Variants in SFXN3 observed in about 807,000 individuals in gnomAD.
The protein encoded by SFXN3 is sideroflexin-3.
A neutral mutation model predicts 40.4 loss-of-function variants in SFXN3; 31 were observed. That is an observed-to-expected ratio of 0.77 (90% CI 0.58 to 1.04). SFXN3 has a LOEUF of 1.04. Among genes scored for constraint, SFXN3 ranks in the 50% least tolerant of loss-of-function variants. The pLI, the probability that SFXN3 is intolerant of heterozygous loss-of-function variation, is 0.00. For synonymous variants in SFXN3, 157 were observed against 160.0 expected, an observed-to-expected ratio of 0.98 and a Z score of 0.14; for missense variants, 366 against 408.2, an observed-to-expected ratio of 0.90 and a Z score of 0.89.
chr10:101,032,255 G>A (rs189225683), intron 1 of SFXN3, 59 bp from the exon 2 acceptor site: 398 of 520,404 alleles, frequency 7.6e-4, no homozygotes, highest in Admixed American at 1.4e-3. Context: ...GCAGCTTAGG[G>A]CCTGGTCCAG....
At chr10:101,038,661 G>A (rs200170974) in exon 10 of SFXN3, 17 of 1,613,192 alleles carry the variant, frequency 1.1e-5, no homozygotes, top group Middle Eastern at 3.3e-4. Context: ...CTGGCTGGGG[G>A]CACCCCTGCA....
exon 9 of SFXN3, chr10:101,037,391 C>A (rs1938671492): frequency 1.2e-6 from 2 of 1,614,154 alleles, no homozygotes; most frequent in African/African-American, 1.3e-5. Context: ...GCCATCCCAC[C>A]ACTGATCATG....
intron 2 of SFXN3, among the ~76,000 whole-genome samples, chr10:101,033,325 A>G (rs991337198): frequency 6.6e-6 from 1 of 152,214 alleles, no homozygotes; most frequent in Admixed American, 6.5e-5. Context: ...TCTGTAGCAC[A>G]CGTGGCTGGG....
Position 101,036,401 on chromosome 10 carries a change from A to G in SFXN3, c.432-85A>G. ...GAGCTTCCCCTTTTATGCCTCATGT[A>G]TTGAGGACTTGGCATATCCCTAAAG... On this transcript the variant is annotated intron_variant, in intron 5 of 11. Coordinates refer to ENST00000393459, the Ensembl canonical transcript of SFXN3. This position sits in a 1 kb window ranked among gnomAD's most constrained non-coding sequence, Gnocchi z 4.2. The G allele has an allele frequency of 7.8e-7, 1 of 1,289,012 alleles. No individual in the cohort carries two copies. Among genetic ancestry groups the G allele is most frequent in the South Asian group, 1.2e-5 (1 of 82,488 alleles). 79.8% of individuals were successfully genotyped at this position (1,289,012 alleles called of 1,614,324 possible).
At chr10:101,035,923 T>C in intron 4 of SFXN3, 80 bp from the exon 5 acceptor site, 2 of 1,373,516 alleles carry the variant, frequency 1.5e-6, no homozygotes, top group Non-Finnish European at 2.1e-6. Context: ...GCTTGGGGAA[T>C]AACCTTTGGT....
At chr10:101,032,715 C>T (rs548129806) in intron 2 of SFXN3, among the ~76,000 whole-genome samples, 3 of 152,118 alleles carry the variant, frequency 2.0e-5, no homozygotes, top group Non-Finnish European at 4.4e-5. Context: ...GTTTGAAGGC[C>T]GGTGTATACA....
At chr10:101,033,687 C>A (rs1433545543) in intron 2 of SFXN3, among the ~76,000 whole-genome samples, 1 of 152,106 alleles carries the variant, frequency 6.6e-6, no homozygotes, top group East Asian at 1.9e-4. Context: ...GCACCGGCAC[C>A]GGTCTCTGAG....
chr10:101,035,721 G>A, intron 4 of SFXN3, 54 bp downstream of exon 4: 1 of 1,551,914 alleles, frequency 6.4e-7, no homozygotes, highest in Non-Finnish European at 8.7e-7. Flanking sequence ...AGCATAGCTT[G>A]ACTAGGTGCG....
chr10:101,037,142 A>T (rs756864458), exon 8 of SFXN3: 1 of 1,613,808 alleles, frequency 6.2e-7, no homozygotes, highest in Non-Finnish European at 8.5e-7. Context: ...CGGTGACTGC[A>T]GCCAAGCAGG....
At chr10:101,031,470 A>C (rs889840352) in exon 1 of SFXN3, 1 of 152,298 alleles carries the variant, frequency 6.6e-6, no homozygotes, top group South Asian at 2.1e-4. Context: ...CCGTGGAGGG[A>C]CGTCACGGGG....
Position 101,039,472 on chromosome 10 carries a change from GT to G in SFXN3, c.870-16del. The G allele has an allele frequency of 1.9e-6, 3 of 1,612,224 alleles. No homozygotes were observed. In the Admixed American group the frequency reaches 5.0e-5, roughly 27 times the overall value. On this transcript the variant is annotated splice_polypyrimidine_tract_variant and intron_variant, in intron 11 of 11. Transcript: ENST00000393459. The surrounding 1 kb of genome is among the most constrained non-coding windows in gnomAD (Gnocchi z 4.6). ...GGATTCAGGGGACGTTAACTGGCCT[GT>G]GCTGTTCTATTGCAGCTCCATACAC... is the stretch of plus-strand genomic sequence containing the variant.
At chr10:101,038,741 G>A in intron 10 of SFXN3, 49 bp downstream of exon 10, 1 of 1,602,558 alleles carries the variant, frequency 6.2e-7, no homozygotes, top group South Asian at 1.1e-5. Flanking sequence ...CCTTGTCCAT[G>A]GTGGATGTGG....
At chr10:101,037,190 G>C in exon 8 of SFXN3, 1 of 1,613,954 alleles carries the variant, frequency 6.2e-7, no homozygotes, top group South Asian at 1.1e-5. Flanking sequence ...TCTGCATGGC[G>C]ATTCCTGCCA....
chr10:101,036,104 G>A lies in SFXN3; in HGVS notation c.431+3G>A. 2 of 1,611,780 alleles carry A rather than the reference G, an allele frequency of 1.2e-6. No homozygotes were observed. Among genetic ancestry groups the A allele is most frequent in the Non-Finnish European group, 1.7e-6 (2 of 1,178,276 alleles). ...GGTGACACTCCCATCACTGTGAGGT[G>A]AGAGCCAGCCCCCAGCAGCAGCTGC... is the stretch of plus-strand genomic sequence containing the variant. On this transcript the variant is annotated splice_donor_region_variant and intron_variant, in intron 5 of 11. Coordinates refer to ENST00000393459, the Ensembl canonical transcript of SFXN3. This position sits in a 1 kb window ranked among gnomAD's most constrained non-coding sequence, Gnocchi z 4.2.
exon 10 of SFXN3, chr10:101,038,655 C>G: frequency 6.2e-7 from 1 of 1,613,474 alleles, no homozygotes; most frequent in Non-Finnish European, 8.5e-7. Flanking sequence ...CCGCCCCTGG[C>G]TGGGGGCACC....
chr10:101,036,057 T>G lies in SFXN3; in HGVS notation c.387T>G (p.Ile129Met). ...GGGTGAATCAGTCCTTCAATGCCAT[T>G]GTTAACTACTCCAACCGCAGTGGTG... Residue 129 changes from isoleucine to methionine, a missense_variant, in exon 5 of 12, where the codon ATT becomes ATG. Coordinates refer to ENST00000393459, the Ensembl canonical transcript of SFXN3. This position sits in a 1 kb window ranked among gnomAD's most constrained non-coding sequence, Gnocchi z 4.2. 6.2e-7 allele frequency: 1 copy of G among 1,614,080 alleles called. No individual in the cohort carries two copies. The highest frequency in any genetic ancestry group is 8.5e-7 in the Non-Finnish European group (1 of 1,180,002).
chr10:101,039,451 T>A lies in SFXN3; in HGVS notation c.870-38T>A, dbSNP rs765346824. Reference sequence around the variant, plus strand: ...TCCCTGGGCCTGAGTGGGGTTGGATTCAGGGGACGTTAACTGGCCTGTGCT... The same window carrying A: ...TCCCTGGGCCTGAGTGGGGTTGGATACAGGGGACGTTAACTGGCCTGTGCT... On this transcript the variant is annotated intron_variant, in intron 11 of 11. Transcript: ENST00000393459. This position sits in a 1 kb window ranked among gnomAD's most constrained non-coding sequence, Gnocchi z 4.6. 17 of 1,588,912 alleles carry A rather than the reference T, an allele frequency of 1.1e-5. No homozygotes were observed. The South Asian group carries it at 1.9e-4, about 18-fold the overall frequency.
rs1303900634 is a variant in SFXN3 at position 101,037,277 on chromosome 10, G to A, written c.721+74G>A. ...GGTGCAGTTCTCAGGGACTTTGGAG[G>A]ACTCTGGGGAGAGAGGGAGGAGCTT... On this transcript the variant is annotated intron_variant, in intron 8 of 11. Coordinates refer to ENST00000393459, the Ensembl canonical transcript of SFXN3. 6 of 1,613,420 alleles carry A rather than the reference G, an allele frequency of 3.7e-6. No homozygotes were observed. In the East Asian group the frequency reaches 6.7e-5, roughly 18 times the overall value.
Position 101,036,841 on chromosome 10 carries a change from C to T in SFXN3, c.593+33C>T, listed in dbSNP as rs1938633189. 2 of 1,609,008 alleles carry T rather than the reference C, an allele frequency of 1.2e-6. No homozygotes were observed. Reference sequence around the variant, plus strand: ...ACCCCGGCTCCTGGCATGTGCATGCCCAGAATGTAGCACACTGTCCATCCA... The same window carrying T: ...ACCCCGGCTCCTGGCATGTGCATGCTCAGAATGTAGCACACTGTCCATCCA... On this transcript the variant is annotated intron_variant, in intron 7 of 11. Transcript: ENST00000393459. The surrounding 1 kb of genome is among the most constrained non-coding windows in gnomAD (Gnocchi z 4.2).
Sources: allele counts gnomAD v4.1 joint callset (sites outside exome capture counted in the v4.1 genomes callset), GRCh38; gene constraint gnomAD v4.1.1; non-coding constraint Gnocchi (gnomAD v3.1); transcripts MANE v1.5; gene names NCBI Gene and HGNC (gene_info 2026-07-23, HGNC 2026-07-21).